The following SPON1 variants were observed in gnomAD, a reference collection of about 807,000 sequenced individuals.
The protein encoded by SPON1 is spondin 1.
SPON1 carries 52 observed loss-of-function variants against 111.7 expected under a neutral mutation model. The observed-to-expected ratio is 0.47, with a 90% CI of 0.37 to 0.59. The LOEUF (loss-of-function observed/expected upper bound fraction) is 0.59. SPON1 is among the 20% of genes least tolerant of loss of function. The pLI is 0.00. For missense variants in SPON1, 957 were observed against 1,068.5 expected (o/e 0.90, Z 1.46); for synonymous variants, 410 against 395.8 (o/e 1.04, Z -0.43).
intron 11 of SPON1, among the ~76,000 whole-genome samples, chr11:14,258,924 A>G (rs954419752): frequency 1.3e-5 from 2 of 152,244 alleles, no homozygotes; most frequent in Non-Finnish European, 1.5e-5. Context: ...TCCACAGGGA[A>G]GGATTGTTCC....
At chr11:14,160,985 ATATATATTTT>A (rs1847940203) in intron 6 of SPON1, among the ~76,000 whole-genome samples, 2 of 57,486 alleles carry the variant, frequency 3.5e-5, no homozygotes, top group African/African-American at 1.3e-4. Flanking sequence ...TTATATATTT[ATATATATTTT>A]TATATATTTA....
At position 13,987,412 on chromosome 11, in the gene SPON1, T is replaced by C. The variant is rs540092172; in HGVS notation, c.345+4459T>C. Among the ~76,000 whole-genome samples the C allele has an allele frequency of 1.8e-3, 276 of 151,704 alleles. 3 individuals are homozygous for C. The highest frequency in any genetic ancestry group is 6.3e-3 in the African/African-American group (261 of 41,282). ...CCTTTGCCCACTTTTTGTTTGTTTTTTTCCTGTAAACTTAAGTTCTTTGTA... is the reference window on the plus strand; with the variant it reads ...CCTTTGCCCACTTTTTGTTTGTTTTCTTCCTGTAAACTTAAGTTCTTTGTA... On this transcript the variant is annotated intron_variant, in intron 2 of 15. Transcript: ENST00000576479.
intron 2 of SPON1, among the ~76,000 whole-genome samples, chr11:14,000,742 A>C (rs1848311018): frequency 6.6e-6 from 1 of 150,508 alleles, no homozygotes. Context: ...ACAGCCACAC[A>C]CCCCCTGGCC....
chr11:14,214,348 T>G (rs1848605474), intron 6 of SPON1, among the ~76,000 whole-genome samples: 1 of 152,138 alleles, frequency 6.6e-6, no homozygotes. Context: ...CCAAGTAAGA[T>G]GATGCTTCAG....
At chr11:14,130,154 A>G (rs936268104) in intron 5 of SPON1, among the ~76,000 whole-genome samples, 2 of 152,224 alleles carry the variant, frequency 1.3e-5, no homozygotes, top group African/African-American at 4.8e-5. Flanking sequence ...AATCAGCCCA[A>G]GCTCACAGAG....
At chr11:14,127,888 A>C (rs190750483) in intron 5 of SPON1, among the ~76,000 whole-genome samples, 1 of 152,336 alleles carries the variant, frequency 6.6e-6, no homozygotes, top group East Asian at 1.9e-4. Context: ...CTTCTTCACA[A>C]GGTGGCAGGA....
intron 2 of SPON1, among the ~76,000 whole-genome samples, chr11:13,993,552 G>A (rs1334590381): frequency 1.3e-5 from 2 of 152,122 alleles, no homozygotes; most frequent in Non-Finnish European, 2.9e-5. Context: ...TTTCCAGGGA[G>A]CCCTGCCCTG....
At chr11:14,237,048 A>G (rs1301511856) in intron 6 of SPON1, among the ~76,000 whole-genome samples, 2 of 152,212 alleles carry the variant, frequency 1.3e-5, no homozygotes, top group Non-Finnish European at 2.9e-5. Context: ...TGAGAAGCCC[A>G]GAGGCTGTTG....
chr11:14,071,917 G>A (rs545931425), intron 3 of SPON1, among the ~76,000 whole-genome samples: 115 of 152,124 alleles, frequency 7.6e-4, no homozygotes, highest in Non-Finnish European at 1.5e-3. Flanking sequence ...CAGGCTGGTC[G>A]CAAACTCCTG....
chr11:14,240,948 T>C (rs1413308119), intron 6 of SPON1, among the ~76,000 whole-genome samples: 2 of 152,168 alleles, frequency 1.3e-5, no homozygotes, highest in African/African-American at 4.8e-5. Context: ...ATAGTGTACA[T>C]AGTATGTAGT....
chr11:13,987,251 C>G (rs1454507269), intron 2 of SPON1, among the ~76,000 whole-genome samples: 4 of 152,182 alleles, frequency 2.6e-5, no homozygotes, highest in Non-Finnish European at 5.9e-5. Flanking sequence ...TTAATGATCA[C>G]CATTCTAACT....
At chr11:14,254,798 A>G (rs1849089080) in intron 8 of SPON1, 69 bp downstream of exon 8, 1 of 1,483,582 alleles carries the variant, frequency 6.7e-7, no homozygotes, top group Non-Finnish European at 9.3e-7. Flanking sequence ...CTGGACACAG[A>G]GGGGATCTGT....
intron 3 of SPON1, among the ~76,000 whole-genome samples, chr11:14,063,389 G>T (rs970949777): frequency 1.2e-4 from 19 of 152,032 alleles, no homozygotes; most frequent in Non-Finnish European, 2.2e-4. Context: ...TAGAGTTCTT[G>T]GTTTCCTTCC....
In SPON1 at chr11:14,042,294, A is replaced by G. The variant is rs75700552; in HGVS notation, c.479+640A>G. On this transcript the variant is annotated intron_variant, in intron 3 of 15. Transcript: ENST00000576479. ...GGAAATGGAAATAGATGGGCAGGAA[A>G]ATGATTTCTGTGGTCAAATGTTTGC... 3.5e-3 allele frequency among the ~76,000 whole-genome samples: 530 copies of G among 152,296 alleles called. 2 individuals are homozygous for G. The highest frequency in any genetic ancestry group is 0.012 in the African/African-American group (501 of 41,570).
At chr11:14,128,238 C>T (rs551683647) in intron 5 of SPON1, among the ~76,000 whole-genome samples, 1 of 152,304 alleles carries the variant, frequency 6.6e-6, no homozygotes, top group East Asian at 1.9e-4. Flanking sequence ...CAAGGGAAGT[C>T]CCTTCTGCCT....
rs1554941715 is a variant in SPON1, at chr11:14,259,690, T to C, written c.1820T>C (p.Met607Thr). The C allele has an allele frequency of 1.3e-6, 2 of 1,572,804 alleles. No individual in the cohort carries two copies. Among genetic ancestry groups the C allele is most frequent in the African/African-American group, 2.7e-5 (2 of 73,970 alleles). Reference protein sequence around the residue: ...AETSQAEKCMMPECHTIPCLL... With the variant: ...AETSQAEKCMTPECHTIPCLL... The stretch of plus-strand genomic sequence containing the variant: ...ACATCACAGGCAGAGAAGTGCATGA[T>C]GCCAGAGTGCCGTGAGTGAGAGCGG... Residue 607 changes from methionine (M) to threonine (T), a missense_variant, in exon 13 of 16, where the codon ATG (methionine) becomes ACG (threonine). Physicochemically the swap from Met to Thr is moderately conservative, Grantham distance 81. This residue lies in a region of SPON1 where 549 missense variants were observed against 606.2 expected (regional missense o/e 0.91). Coordinates refer to ENST00000576479, the MANE Select transcript of SPON1 (RefSeq NM_006108.4). This position sits in a 1 kb window ranked among gnomAD's most constrained non-coding sequence, Gnocchi z 5.0.
intron 6 of SPON1, among the ~76,000 whole-genome samples, chr11:14,191,503 A>C (rs1241619303): frequency 6.6e-6 from 1 of 152,210 alleles, no homozygotes; most frequent in Non-Finnish European, 1.5e-5. Context: ...ATGAACGTTC[A>C]GGACCCGCAC....
intron 14 of SPON1, 22 bp downstream of exon 14, chr11:14,260,774 G>A (rs1437078858): frequency 6.2e-6 from 10 of 1,607,282 alleles, no homozygotes; most frequent in Non-Finnish European, 8.5e-6. Context: ...AGCTCCTCAA[G>A]GCCCATCACT....
intron 6 of SPON1, among the ~76,000 whole-genome samples, chr11:14,190,272 C>T (rs1381859738): frequency 2.0e-5 from 3 of 152,158 alleles, no homozygotes; most frequent in African/African-American, 7.2e-5. Context: ...CTGTGGCTGC[C>T]AGGTTATGGC....
Sources: gnomAD v4.1 joint callset for allele counts (sites outside exome capture counted in the v4.1 genomes callset) on GRCh38, gnomAD v4.1.1 for gene constraint, gnomAD v4.1.1 regional missense constraint, Gnocchi (gnomAD v3.1) non-coding constraint, MANE v1.5 for transcripts, NCBI Gene and HGNC (gene_info 2026-07-23, HGNC 2026-07-21) for gene names.